Variants in KAZN observed in about 807,000 individuals in gnomAD.
KAZN encodes the protein kazrin, periplakin interacting protein.
KAZN carries 40 observed loss-of-function variants against 87.4 expected under a neutral mutation model. The ratio of observed to expected loss-of-function variants is 0.46; its 90% CI spans 0.36 to 0.60. KAZN has a LOEUF of 0.60. Among genes scored for constraint, KAZN ranks in the 20% least tolerant of loss-of-function variants. KAZN has a pLI of 0.00. For missense variants in KAZN, 898 were observed against 1,073.9 expected, an observed-to-expected ratio of 0.84 and a Z score of 2.29; for synonymous variants, 466 against 458.3, an observed-to-expected ratio of 1.02 and a Z score of -0.22.
intron 2 of KAZN, among the ~76,000 whole-genome samples, chr1:14,254,031 G>A (rs988013242): frequency 6.6e-6 from 1 of 151,970 alleles, no homozygotes; most frequent in Non-Finnish European, 1.5e-5. Flanking sequence ...TGTCTTAACT[G>A]TTAAGTCACA....
intron 1 of KAZN, among the ~76,000 whole-genome samples, chr1:14,881,574 G>A (rs1353974948): frequency 8.5e-5 from 13 of 152,224 alleles, no homozygotes; most frequent in Admixed American, 2.0e-4. Context: ...CCTCAGCCCT[G>A]GGAATACAGT....
chr1:14,271,623 T>A (rs1451611047), intron 2 of KAZN, among the ~76,000 whole-genome samples: 1 of 152,268 alleles, frequency 6.6e-6, no homozygotes, highest in Non-Finnish European at 1.5e-5. Context: ...CTCATCTTTT[T>A]ATCTACTTAC....
intron 1 of KAZN, among the ~76,000 whole-genome samples, chr1:14,627,170 T>A (rs1679203916): frequency 6.7e-6 from 1 of 150,062 alleles, no homozygotes; most frequent in Non-Finnish European, 1.5e-5. Flanking sequence ...CTTGTTTTGA[T>A]GGGGGCATCA....
At chr1:14,617,154 T>A (rs75570697) in intron 1 of KAZN, among the ~76,000 whole-genome samples, 7,114 of 152,312 alleles carry the variant, frequency 0.047, 247 homozygotes, top group Non-Finnish European at 0.076. Flanking sequence ...CCATAACAGA[T>A]GTTTTGCTAT....
intron 1 of KAZN, among the ~76,000 whole-genome samples, chr1:14,638,505 G>T (rs1680167965): frequency 2.0e-5 from 3 of 150,638 alleles, no homozygotes; most frequent in African/African-American, 7.4e-5. Context: ...GGAGGCGGAG[G>T]TTGCAGCGAG....
At chr1:13,999,673 G>T (rs1639692855) in intron 1 of KAZN, among the ~76,000 whole-genome samples, 1 of 152,094 alleles carries the variant, frequency 6.6e-6, no homozygotes, top group Non-Finnish European at 1.5e-5. Context: ...TAATCCAAAA[G>T]CTAGCAGAAG....
At chr1:14,514,781 C>G (rs929464419) in intron 2 of KAZN, among the ~76,000 whole-genome samples, 2 of 151,250 alleles carry the variant, frequency 1.3e-5, no homozygotes, top group Admixed American at 6.6e-5. Flanking sequence ...ACTTCCTGAG[C>G]CCCCTTCCTG....
chr1:14,517,756 G>T (rs1271671865), intron 2 of KAZN, among the ~76,000 whole-genome samples: 2 of 152,220 alleles, frequency 1.3e-5, no homozygotes, highest in African/African-American at 2.4e-5. Context: ...GGAACAGGAT[G>T]CTGCTTAAAT....
intron 1 of KAZN, among the ~76,000 whole-genome samples, chr1:13,983,467 C>T (rs572131107): frequency 3.3e-5 from 5 of 152,348 alleles, no homozygotes; most frequent in South Asian, 2.1e-4. Context: ...GTGCAGGGCC[C>T]GCCAAGCCCA....
chr1:15,114,610 AC>A lies in KAZN; in HGVS notation c.2304del (p.Asn768LysfsTer19), dbSNP rs1474465373. On this transcript the variant is annotated frameshift_variant, in exon 15 of 15. Coordinates refer to ENST00000376030, the MANE Select transcript of KAZN (RefSeq NM_201628.3). LOFTEE classifies it high-confidence loss of function. ...GAACAGTGCCGTCTGGAAGGCTACA[AC>A]AGCCTGGAGGTCACCAACGTGTAAG... ...RLEQCRLEGY[N>X]SLEVTNV 1.3e-6 allele frequency: 2 copies of A among 1,593,772 alleles called. No homozygotes were observed. The highest frequency in any genetic ancestry group is 1.7e-6 in the Non-Finnish European group (2 of 1,170,122).
chr1:13,927,689 C>T (rs1338743708), intron 1 of KAZN, among the ~76,000 whole-genome samples: 2 of 151,738 alleles, frequency 1.3e-5, no homozygotes, highest in African/African-American at 4.9e-5. Flanking sequence ...GGAGAAGTTT[C>T]CTGCCCCAAG....
rs1407744978 is a variant in KAZN, at chr1:15,117,787, G to C, written c.*3152G>C. 1 of 152,272 alleles carries C rather than the reference G, an allele frequency of 6.6e-6. No individual in the cohort carries two copies. The highest frequency in any genetic ancestry group is 2.4e-5 in the African/African-American group (1 of 41,456). 9.4% of individuals were successfully genotyped at this position (152,272 alleles called of 1,614,324 possible). On this transcript the variant is annotated 3_prime_UTR_variant, in exon 15 of 15. Coordinates refer to ENST00000376030, the MANE Select transcript of KAZN (RefSeq NM_201628.3). ...CCACCACTTCCACTCTGCTTTTCGA[G>C]GCTCCGGAGGGCTCTTCCTGCTGTG...
intron 2 of KAZN, among the ~76,000 whole-genome samples, chr1:14,576,787 C>T (rs1009434798): frequency 8.0e-5 from 12 of 150,668 alleles, no homozygotes; most frequent in Middle Eastern, 3.5e-3. Context: ...GTAGCTGGTA[C>T]GTTACCAAAA....
At chr1:14,795,859 A>G (rs1645812335) in intron 1 of KAZN, among the ~76,000 whole-genome samples, 1 of 152,118 alleles carries the variant, frequency 6.6e-6, no homozygotes, top group Non-Finnish European at 1.5e-5. Flanking sequence ...CCCATCACTC[A>G]GGACTCTGCA....
intron 4 of KAZN, among the ~76,000 whole-genome samples, chr1:15,044,866 C>A (rs1392523776): frequency 6.6e-6 from 1 of 151,932 alleles, no homozygotes; most frequent in Non-Finnish European, 1.5e-5. Context: ...TTATTTATTT[C>A]TTTGTTTGTT....
chr1:14,889,219 T>C (rs1410586687), intron 1 of KAZN, among the ~76,000 whole-genome samples: 7 of 152,226 alleles, frequency 4.6e-5, no homozygotes, highest in Admixed American at 1.3e-4. Context: ...CTGCCATTGA[T>C]GGGAGAAAAG....
intron 1 of KAZN, among the ~76,000 whole-genome samples, chr1:14,110,824 T>C (rs1644486517): frequency 7.4e-6 from 1 of 135,130 alleles, no homozygotes; most frequent in Admixed American, 7.3e-5. Context: ...TCTTTTTATA[T>C]TGACTACATG....
intron 1 of KAZN, among the ~76,000 whole-genome samples, chr1:14,000,666 A>C (rs1326429761): frequency 6.6e-6 from 1 of 152,106 alleles, no homozygotes; most frequent in Non-Finnish European, 1.5e-5. Context: ...CTCTCTCACC[A>C]CTCCTATTCA....
chr1:14,427,920 G>A (rs528159418), intron 2 of KAZN, among the ~76,000 whole-genome samples: 11 of 152,266 alleles, frequency 7.2e-5, no homozygotes, highest in East Asian at 5.8e-4. Flanking sequence ...AACTATAGCC[G>A]AAGAGTTCCA....
Sources: gnomAD v4.1 joint callset for allele counts (sites outside exome capture counted in the v4.1 genomes callset) on GRCh38, gnomAD v4.1.1 for gene constraint, MANE v1.5 for transcripts, NCBI Gene and HGNC (gene_info 2026-07-23, HGNC 2026-07-21) for gene names.